CMTR1: variants seen among roughly 807,000 people sequenced by gnomAD.
CMTR1 encodes the protein cap methyltransferase 1.
In CMTR1, 39 loss-of-function variants were observed where a neutral mutation model predicts 107.0. The observed-to-expected ratio is 0.36, with a 90% CI of 0.28 to 0.48. The LOEUF is 0.48. Among genes scored for constraint, CMTR1 ranks in the 20% least tolerant of loss-of-function variants. The probability of loss-of-function intolerance (pLI) is 0.99; values close to 1 mark genes in which losing one functional copy is unlikely to be tolerated. For missense variants in CMTR1, 672 were observed against 1,064.9 expected, an observed-to-expected ratio of 0.63 and a Z score of 5.14; for synonymous variants, 366 against 379.5, an observed-to-expected ratio of 0.96 and a Z score of 0.41.
chr6:37,442,515 A>G (rs1771696588), intron 2 of CMTR1, among the ~76,000 whole-genome samples: 1 of 152,238 alleles, frequency 6.6e-6, no homozygotes, highest in Non-Finnish European at 1.5e-5. Context: ...TGTTGGGTAC[A>G]GACTGTGACA....
rs965667343 is a variant in CMTR1, at chr6:37,474,564, G to A, written c.1862G>A (p.Arg621His). ...ACATGGGATGGCCGCCAGTCAGACC[G>A]CTGGATCAAGCTAGACCTGAAGACA... is the stretch of plus-strand genomic sequence containing the variant. ...IYTWDGRQSDRWIKLDLKTEL... is the reference protein window; with the variant it reads ...IYTWDGRQSDHWIKLDLKTEL... Residue 621 changes from arginine (R) to histidine (H), a missense_variant, in exon 18 of 24, where the codon CGC (arginine) becomes CAC (histidine). Coordinates refer to ENST00000373451, the MANE Select transcript of CMTR1 (RefSeq NM_015050.3). 8 of 1,613,918 alleles carry A rather than the reference G, an allele frequency of 5.0e-6. No homozygotes were observed. Among genetic ancestry groups the A allele is most frequent in the Non-Finnish European group, 6.8e-6 (8 of 1,179,904 alleles).
At chr6:37,442,610 G>T (rs749442878) in intron 2 of CMTR1, among the ~76,000 whole-genome samples, 3 of 152,212 alleles carry the variant, frequency 2.0e-5, no homozygotes, top group Non-Finnish European at 4.4e-5. Flanking sequence ...TGTGATGAGT[G>T]CTGTGCCAAT....
chr6:37,476,447 TGA>T (rs1315947726), intron 20 of CMTR1, among the ~76,000 whole-genome samples: 1 of 152,226 alleles, frequency 6.6e-6, no homozygotes, highest in Non-Finnish European at 1.5e-5. Flanking sequence ...CACGTGCTTC[TGA>T]GAGTGCCAGC....
chr6:37,470,791 TA>T (rs1402805321), intron 13 of CMTR1, among the ~76,000 whole-genome samples: 1 of 152,188 alleles, frequency 6.6e-6, no homozygotes, highest in Non-Finnish European at 1.5e-5. Flanking sequence ...TTCCTTTTAG[TA>T]GGACTTGGGA....
At position 37,479,991 on chromosome 6, in the gene CMTR1, T is replaced by C. The variant is rs773764251; in HGVS notation, c.2376-22T>C. ...CCATCTGGGTGCAGTCCTGACCTCT[T>C]TCCCATCCCTCTCCTCCCCAGCATT... On this transcript the variant is annotated intron_variant, in intron 23 of 23. Transcript: ENST00000373451. The C allele has an allele frequency of 2.4e-5, 37 of 1,557,294 alleles. 1 individual carries two copies. In the Middle Eastern group the frequency reaches 8.5e-4, roughly 36 times the overall value.
intron 2 of CMTR1, among the ~76,000 whole-genome samples, chr6:37,438,912 A>G (rs1771604469): frequency 6.6e-6 from 1 of 152,182 alleles, no homozygotes; most frequent in South Asian, 2.1e-4. Flanking sequence ...AGGTGTTTCC[A>G]TTTACTGCAG....
chr6:37,425,568 G>T, the CMTR1 span, among the ~76,000 whole-genome samples: 1 of 152,090 alleles, frequency 6.6e-6, no homozygotes, highest in African/African-American at 2.4e-5. Context: ...GGGATTACAG[G>T]CATGAGCCAC....
upstream of CMTR1, among the ~76,000 whole-genome samples, chr6:37,430,766 G>C (rs955881792): frequency 6.6e-6 from 1 of 152,150 alleles, no homozygotes. Context: ...TGTAATCCCA[G>C]TCCTTTGGGA....
the CMTR1 span, among the ~76,000 whole-genome samples, chr6:37,427,731 GAAT>G: frequency 6.6e-6 from 1 of 152,086 alleles, no homozygotes; most frequent in African/African-American, 2.4e-5. The surrounding 1 kb of genome is among the most constrained non-coding windows in gnomAD (Gnocchi z 4.4). Context: ...TTTTCAGGCT[GAAT>G]AACTTCCTTT....
At chr6:37,478,975 C>T (rs148780204) in intron 22 of CMTR1, among the ~76,000 whole-genome samples, 172 bp from the exon 23 acceptor site, 8 of 152,310 alleles carry the variant, frequency 5.3e-5, no homozygotes, top group African/African-American at 1.9e-4. Context: ...CGTAGTCATT[C>T]TCCTGCAGCC....
At chr6:37,424,069 C>T in the CMTR1 span, among the ~76,000 whole-genome samples, 1 of 152,042 alleles carries the variant, frequency 6.6e-6, no homozygotes, top group Non-Finnish European at 1.5e-5. Context: ...TTTTTATTGG[C>T]ACAACTGCCG....
intron 4 of CMTR1, among the ~76,000 whole-genome samples, chr6:37,449,222 AGGT>A (rs1257926936): frequency 6.6e-6 from 1 of 151,874 alleles, no homozygotes; most frequent in Non-Finnish European, 1.5e-5. Context: ...TTGGAATTAC[AGGT>A]GTGAGCTACT....
intron 4 of CMTR1, among the ~76,000 whole-genome samples, chr6:37,449,316 A>ATGTTATGTTATGTTAT: frequency 6.6e-6 from 1 of 151,026 alleles, no homozygotes; most frequent in Non-Finnish European, 1.5e-5. Context: ...ATGTTATGTT[A>ATGTTATGTTATGTTAT]TTTTGTTTTC....
chr6:37,426,832 G>A, the CMTR1 span, among the ~76,000 whole-genome samples: 1 of 152,186 alleles, frequency 6.6e-6, no homozygotes, highest in Non-Finnish European at 1.5e-5. Context: ...AAGCAAAAAT[G>A]AAAGGAGGGA....
At position 37,436,098 on chromosome 6, in the gene CMTR1, T is replaced by C. The variant is rs2776902; in HGVS notation, c.133+336T>C. 9.7e-3 allele frequency among the ~76,000 whole-genome samples: 1,485 copies of C among 152,326 alleles called. 23 individuals are homozygous for C. Among genetic ancestry groups the C allele is most frequent in the African/African-American group, 0.035 (1,435 of 41,568 alleles). ...TGCCCTTAATAGCTGTTAATTATCCTGGGGCTCTTTTGTAAGGGAGGGCCT... is the reference window on the plus strand; with the variant it reads ...TGCCCTTAATAGCTGTTAATTATCCCGGGGCTCTTTTGTAAGGGAGGGCCT... On this transcript the variant is annotated intron_variant, in intron 2 of 23. Transcript: ENST00000373451.
At chr6:37,453,923 T>C (rs1199343067) in intron 8 of CMTR1, among the ~76,000 whole-genome samples, 1 of 152,206 alleles carries the variant, frequency 6.6e-6, no homozygotes, top group Non-Finnish European at 1.5e-5. Context: ...GACTGTAATT[T>C]TAGACTGGGC....
intron 4 of CMTR1, 142 bp downstream of exon 4, chr6:37,446,591 G>C: frequency 1.1e-6 from 1 of 950,726 alleles, no homozygotes; most frequent in Non-Finnish European, 1.6e-6. Flanking sequence ...AAAGTACTGG[G>C]GATATCCAGA....
intron 10 of CMTR1, among the ~76,000 whole-genome samples, chr6:37,460,721 A>G (rs1380781888): frequency 1.3e-5 from 2 of 152,140 alleles, no homozygotes. Context: ...TGTAAAAAAC[A>G]CAAATTTGAT....
At chr6:37,449,369 C>T (rs916092741) in intron 4 of CMTR1, among the ~76,000 whole-genome samples, 26 of 152,022 alleles carry the variant, frequency 1.7e-4, no homozygotes, top group Admixed American at 7.9e-4. Flanking sequence ...AGTGCAGTGG[C>T]GCAATCTCGG....
Sources: gnomAD v4.1 joint callset for allele counts (sites outside exome capture counted in the v4.1 genomes callset) on GRCh38, gnomAD v4.1.1 for gene constraint, Gnocchi (gnomAD v3.1) non-coding constraint, MANE v1.5 for transcripts, NCBI Gene and HGNC (gene_info 2026-07-23, HGNC 2026-07-21) for gene names.